Variants in RALGAPA1 observed in about 807,000 individuals in gnomAD.
The protein encoded by RALGAPA1 is ral GTPase-activating protein subunit alpha-1.
A neutral mutation model predicts 269.6 loss-of-function variants in RALGAPA1; 52 were observed. That is an observed-to-expected ratio of 0.19 (90% CI 0.15 to 0.24). The LOEUF is 0.24. Ranked by LOEUF, RALGAPA1 falls within the 10% of genes least tolerant of loss-of-function variation. RALGAPA1 has a pLI of 1.00. For synonymous variants in RALGAPA1, 817 were observed against 1,008.3 expected, an observed-to-expected ratio of 0.81 and a Z score of 3.60; for missense variants, 1,917 against 3,013.9, an observed-to-expected ratio of 0.64 and a Z score of 8.52.
At chr14:35,757,704 ACAAATG>A (rs2073312981) in intron 6 of RALGAPA1, among the ~76,000 whole-genome samples, 1 of 152,212 alleles carries the variant, frequency 6.6e-6, no homozygotes, top group Non-Finnish European at 1.5e-5. Flanking sequence ...ATTCATTATA[ACAAATG>A]CAAATGCAAG....
chr14:35,574,970 A>C (rs2057450477), intron 37 of RALGAPA1, among the ~76,000 whole-genome samples: 1 of 151,894 alleles, frequency 6.6e-6, no homozygotes, highest in Non-Finnish European at 1.5e-5. Flanking sequence ...TCTACTAAAA[A>C]TACAAAAATT....
intron 4 of RALGAPA1, chr14:35,766,166 A>G (rs1433687755): frequency 2.3e-6 from 2 of 870,158 alleles, no homozygotes; most frequent in South Asian, 1.3e-5. Flanking sequence ...GTTTCAAACC[A>G]AACTATGGCT....
At chr14:35,555,226 G>A (rs1429020465) in intron 39 of RALGAPA1, among the ~76,000 whole-genome samples, 4 of 152,004 alleles carry the variant, frequency 2.6e-5, no homozygotes, top group Admixed American at 2.6e-4. Flanking sequence ...TCTTAAAGAA[G>A]GATTTTTTCT....
intron 20 of RALGAPA1, among the ~76,000 whole-genome samples, chr14:35,684,724 C>G (rs8008061): frequency 0.17 from 26,567 of 151,864 alleles, 4,297 homozygotes; most frequent in East Asian, 0.45. Flanking sequence ...GGAAGGCTGA[C>G]GCAGGAGGAC....
intron 31 of RALGAPA1, among the ~76,000 whole-genome samples, chr14:35,645,655 G>A (rs1386888417): frequency 8.6e-5 from 13 of 151,444 alleles, no homozygotes; most frequent in African/African-American, 1.7e-4. Context: ...GCGTGAACCC[G>A]GGAGGCGGAG....
intron 29 of RALGAPA1, 26 bp downstream of exon 29, chr14:35,655,781 A>G (rs1377101209): frequency 1.2e-6 from 2 of 1,606,382 alleles, no homozygotes; most frequent in Non-Finnish European, 1.7e-6. Context: ...CTATCTTAAT[A>G]TATTTCACTA....
rs541677135 is a variant in RALGAPA1 at position 35,796,742 on chromosome 14, A to G, written c.106+11988T>C. On this transcript the variant is annotated intron_variant, in intron 1 of 41. Coordinates refer to ENST00000680220, the MANE Select transcript of RALGAPA1 (RefSeq NM_001346249.2). ...GAGTAAAATCTTCAAAGAACAAAGG[A>G]AAAAAAAAGCCATCAACCTAGAATT... 9.4e-4 allele frequency among the ~76,000 whole-genome samples: 141 copies of G among 150,626 alleles called. 4 individuals carry two copies. The South Asian group carries it at 0.013, about 14-fold the overall frequency.
intron 30 of RALGAPA1, among the ~76,000 whole-genome samples, chr14:35,652,653 C>T (rs555254718): frequency 1.6e-4 from 25 of 152,216 alleles, no homozygotes; most frequent in Non-Finnish European, 2.6e-4. Flanking sequence ...GATCCGCCCA[C>T]CTCAGCCTCC....
chr14:35,753,731 G>T (rs971577450), intron 7 of RALGAPA1, among the ~76,000 whole-genome samples: 3 of 152,102 alleles, frequency 2.0e-5, no homozygotes, highest in African/African-American at 7.2e-5. Context: ...TGGGTATGAG[G>T]TTTCTTATTA....
At chr14:35,797,411 G>T (rs1055099474) in intron 1 of RALGAPA1, among the ~76,000 whole-genome samples, 1 of 140,974 alleles carries the variant, frequency 7.1e-6, no homozygotes, top group Admixed American at 7.0e-5. Context: ...AAAGCATAAA[G>T]AATCCATCAC....
chr14:35,787,458 CTAGT>C (rs1252288911), intron 1 of RALGAPA1, among the ~76,000 whole-genome samples: 1 of 152,120 alleles, frequency 6.6e-6, no homozygotes, highest in Admixed American at 6.6e-5. Flanking sequence ...ACCTCTTATC[CTAGT>C]TATTCTATTT....
intron 31 of RALGAPA1, among the ~76,000 whole-genome samples, chr14:35,642,946 A>G (rs760701329): frequency 7.9e-5 from 12 of 152,226 alleles, no homozygotes; most frequent in Admixed American, 1.3e-4. Context: ...GTGTCCATCA[A>G]TGATAGACTA....
chr14:35,635,884 T>C (rs76038841), intron 31 of RALGAPA1, among the ~76,000 whole-genome samples: 4 of 152,194 alleles, frequency 2.6e-5, no homozygotes, highest in African/African-American at 9.6e-5. Flanking sequence ...ACAACACATA[T>C]CAATTAACTA....
At chr14:35,576,126 G>A (rs1406387842) in intron 37 of RALGAPA1, among the ~76,000 whole-genome samples, 1 of 151,968 alleles carries the variant, frequency 6.6e-6, no homozygotes, top group African/African-American at 2.4e-5. Context: ...TCATTATCTT[G>A]GGTTATTGTC....
At chr14:35,681,741 CA>C (rs777905496) in intron 21 of RALGAPA1, among the ~76,000 whole-genome samples, 60 of 152,158 alleles carry the variant, frequency 3.9e-4, no homozygotes, top group Non-Finnish European at 7.4e-4. Context: ...ACATCACAAA[CA>C]AAATATAAAA....
intron 26 of RALGAPA1, among the ~76,000 whole-genome samples, chr14:35,668,304 G>A (rs1374612024): frequency 1.3e-5 from 2 of 152,166 alleles, no homozygotes; most frequent in Non-Finnish European, 2.9e-5. Context: ...CCAAAATGGT[G>A]AAACCTCGTC....
intron 4 of RALGAPA1, chr14:35,765,710 G>T: frequency 3.2e-6 from 1 of 310,290 alleles, no homozygotes; most frequent in Non-Finnish European, 6.1e-6. Flanking sequence ...TACCCAGGCT[G>T]GTCTCAAACT....
intron 37 of RALGAPA1, among the ~76,000 whole-genome samples, chr14:35,594,326 G>A (rs1007493862): frequency 1.3e-5 from 2 of 151,994 alleles, no homozygotes; most frequent in Non-Finnish European, 2.9e-5. Flanking sequence ...TCAACAAAAC[G>A]AAAAGGCACC....
intron 4 of RALGAPA1, among the ~76,000 whole-genome samples, chr14:35,770,177 TGATCGCATCAATA>T (rs1470193078): frequency 6.6e-6 from 1 of 152,140 alleles, no homozygotes; most frequent in African/African-American, 2.4e-5. Context: ...ACACTGATAA[TGATCGCATCAATA>T]GATGGAGAAA....
Sources: allele counts gnomAD v4.1 joint callset (sites outside exome capture counted in the v4.1 genomes callset), GRCh38; gene constraint gnomAD v4.1.1; transcripts MANE v1.5; gene names NCBI Gene and HGNC (gene_info 2026-07-23, HGNC 2026-07-21).